NKAIN3: variants seen among roughly 807,000 people sequenced by gnomAD.
NKAIN3 encodes the protein sodium/potassium transporting ATPase interacting 3, also known as sodium/potassium-transporting ATPase subunit beta-1-interacting protein 3.
A neutral mutation model predicts 30.2 loss-of-function variants in NKAIN3; 25 were observed. The observed-to-expected ratio is 0.83, with a 90% confidence interval of 0.60 to 1.16. The LOEUF (loss-of-function observed/expected upper bound fraction) is 1.16. Among genes scored for constraint, NKAIN3 ranks in the 50% most tolerant of loss-of-function variants. The probability of loss-of-function intolerance (pLI) is 0.00; values close to 1 mark genes in which losing one functional copy is unlikely to be tolerated. For missense variants in NKAIN3, 225 were observed against 254.1 expected (o/e 0.89, Z 0.78); for synonymous variants, 91 against 89.6 (o/e 1.02, Z -0.09).
rs142208102 is a variant in NKAIN3, at chr8:62,975,073, T to C, written c.*9666T>C. The stretch of plus-strand genomic sequence containing the variant: ...CTGCATTTCTTTTGCCAGTGTTTCA[T>C]TGGGGATTTTCACATAGATGTTCAT... On this transcript the variant is annotated 3_prime_UTR_variant, in exon 7 of 7. Coordinates refer to ENST00000623646, the MANE Select transcript of NKAIN3 (RefSeq NM_001304533.3). Among the ~76,000 whole-genome samples the C allele has an allele frequency of 5.3e-3, 800 of 152,296 alleles. 9 individuals carry two copies. The highest frequency in any genetic ancestry group is 0.019 in the African/African-American group (771 of 41,574).
chr8:62,832,588 G>T (rs138041768), intron 4 of NKAIN3, among the ~76,000 whole-genome samples: 74 of 151,968 alleles, frequency 4.9e-4, no homozygotes, highest in African/African-American at 1.7e-3. Context: ...TTATCATTAT[G>T]TAATAAAACA....
At chr8:62,780,920 A>G (rs956043985) in intron 4 of NKAIN3, among the ~76,000 whole-genome samples, 4 of 152,102 alleles carry the variant, frequency 2.6e-5, no homozygotes, top group African/African-American at 9.6e-5. Context: ...TCAACATAGT[A>G]TAGAACCTCC....
intron 5 of NKAIN3, among the ~76,000 whole-genome samples, chr8:62,939,384 A>T (rs1033045922): frequency 6.6e-6 from 1 of 152,202 alleles, no homozygotes; most frequent in Non-Finnish European, 1.5e-5. Context: ...TAGACATCCA[A>T]ATACAAAAAA....
intron 1 of NKAIN3, among the ~76,000 whole-genome samples, chr8:62,572,583 C>A (rs1048775186): frequency 6.6e-6 from 1 of 152,076 alleles, no homozygotes; most frequent in African/African-American, 2.4e-5. Flanking sequence ...TGAGACTGGG[C>A]AATTTAAAAA....
chr8:62,290,695 A>G (rs935476907), intron 1 of NKAIN3, among the ~76,000 whole-genome samples: 1 of 152,138 alleles, frequency 6.6e-6, no homozygotes, highest in Non-Finnish European at 1.5e-5. Flanking sequence ...ATTGGTCTAA[A>G]ATTCTCTTTT....
At chr8:62,521,351 C>G (rs1267996435) in intron 1 of NKAIN3, among the ~76,000 whole-genome samples, 1 of 152,056 alleles carries the variant, frequency 6.6e-6, no homozygotes, top group Non-Finnish European at 1.5e-5. Context: ...AGTTTTCAAA[C>G]TTTTTTTCTT....
chr8:62,558,687 G>T (rs1256089991), intron 1 of NKAIN3, among the ~76,000 whole-genome samples: 2 of 151,754 alleles, frequency 1.3e-5, no homozygotes, highest in Non-Finnish European at 2.9e-5. Context: ...CAAATTCATT[G>T]ATTTCTCCTT....
At chr8:62,400,730 A>G (rs571677845) in intron 1 of NKAIN3, among the ~76,000 whole-genome samples, 2 of 150,346 alleles carry the variant, frequency 1.3e-5, no homozygotes, top group Non-Finnish European at 3.0e-5. Context: ...CACTTTACAT[A>G]TGTCTTGCCA....
intron 1 of NKAIN3, among the ~76,000 whole-genome samples, chr8:62,309,917 C>T (rs1244858476): frequency 6.7e-6 from 1 of 150,158 alleles, no homozygotes; most frequent in Admixed American, 6.6e-5. Context: ...ATCTATTTCT[C>T]ACAATTCTGC....
At chr8:62,944,724 G>A (rs932717580) in intron 5 of NKAIN3, among the ~76,000 whole-genome samples, 1 of 152,106 alleles carries the variant, frequency 6.6e-6, no homozygotes, top group African/African-American at 2.4e-5. Context: ...CCATCAACAT[G>A]ATTGAGTAAA....
At chr8:62,459,249 C>T (rs976175473) in intron 1 of NKAIN3, among the ~76,000 whole-genome samples, 6 of 152,040 alleles carry the variant, frequency 3.9e-5, no homozygotes, top group South Asian at 2.1e-4. Context: ...ACTGTGGCCT[C>T]GGAGATCGAG....
At chr8:62,855,395 A>C in intron 4 of NKAIN3, 1 of 837,996 alleles carries the variant, frequency 1.2e-6, no homozygotes, top group Non-Finnish European at 2.0e-6. Flanking sequence ...GAAATTGCCC[A>C]GCATGCCCTT....
chr8:62,386,973 A>G, intron 1 of NKAIN3, among the ~76,000 whole-genome samples: 1 of 152,144 alleles, frequency 6.6e-6, no homozygotes, highest in South Asian at 2.1e-4. Flanking sequence ...ATAACACTTT[A>G]TAATAGATTA....
intron 5 of NKAIN3, among the ~76,000 whole-genome samples, chr8:62,941,760 C>G (rs1349159081): frequency 6.6e-6 from 1 of 151,966 alleles, no homozygotes; most frequent in Admixed American, 6.6e-5. Flanking sequence ...AAGAGACATA[C>G]CTTAAGGTCA....
At chr8:62,775,068 C>A (rs969556776) in intron 4 of NKAIN3, among the ~76,000 whole-genome samples, 4 of 152,028 alleles carry the variant, frequency 2.6e-5, no homozygotes, top group African/African-American at 9.7e-5. Context: ...CTTATTATGG[C>A]ATTAATCTAG....
At chr8:62,532,728 A>G (rs1434310745) in intron 1 of NKAIN3, among the ~76,000 whole-genome samples, 1 of 152,134 alleles carries the variant, frequency 6.6e-6, no homozygotes, top group Non-Finnish European at 1.5e-5. Context: ...TTCTATGAAA[A>G]GGCTTATTAC....
intron 3 of NKAIN3, among the ~76,000 whole-genome samples, chr8:62,705,481 CCT>C (rs1814489510): frequency 6.6e-6 from 1 of 152,126 alleles, no homozygotes; most frequent in African/African-American, 2.4e-5. Context: ...TTTAGCCAGT[CCT>C]CTCTGGAAAT....
At position 62,348,335 on chromosome 8, in the gene NKAIN3, C is replaced by T. The variant is rs1816073010; in HGVS notation, c.54+99208C>T. On this transcript the variant is annotated intron_variant, in intron 1 of 6. Coordinates refer to ENST00000623646, the MANE Select transcript of NKAIN3 (RefSeq NM_001304533.3). ...GAAGCATGTTTATATTTGTAGATGA[C>T]ATAATTTTTTAGGCATTGTAGATAA... Among the ~76,000 whole-genome samples, 3 of 152,048 alleles carry T rather than the reference C, an allele frequency of 2.0e-5. No homozygotes were observed. In the South Asian group the frequency reaches 6.2e-4, roughly 31 times the overall value.
intron 1 of NKAIN3, among the ~76,000 whole-genome samples, chr8:62,300,377 G>A (rs1458242856): frequency 6.6e-6 from 1 of 151,836 alleles, no homozygotes; most frequent in East Asian, 1.9e-4. Context: ...ACTTTATCTG[G>A]GTAACATAGT....
Sources: allele counts gnomAD v4.1 joint callset (sites outside exome capture counted in the v4.1 genomes callset), GRCh38; gene constraint gnomAD v4.1.1; transcripts MANE v1.5; gene names NCBI Gene and HGNC (gene_info 2026-07-23, HGNC 2026-07-21).